STXBP2: variants seen among roughly 807,000 people sequenced by gnomAD.
STXBP2 encodes the protein syntaxin binding protein 2.
STXBP2 carries 47 observed loss-of-function variants against 72.2 expected under a neutral mutation model. The observed-to-expected ratio is 0.65, with a 90% CI of 0.51 to 0.83. STXBP2 has a LOEUF of 0.83. Among genes scored for constraint, STXBP2 ranks in the 40% least tolerant of loss-of-function variants. The probability of loss-of-function intolerance (pLI) is 0.00; values close to 1 mark genes in which losing one functional copy is unlikely to be tolerated. For missense variants in STXBP2, 702 were observed against 807.6 expected, an observed-to-expected ratio of 0.87 and a Z score of 1.58; for synonymous variants, 367 against 338.7, an observed-to-expected ratio of 1.08 and a Z score of -0.92.
chr19:7,642,978 C>A lies in STXBP2; in HGVS notation c.961-5C>A. 1 of 1,614,184 alleles carries A rather than the reference C, an allele frequency of 6.2e-7. No individual in the cohort carries two copies. The highest frequency in any genetic ancestry group is 8.5e-7 in the Non-Finnish European group (1 of 1,180,040). ...ATCCCTACCCTCTTCCCCCTACTTC[C>A]CCAGGCGAACATCAAAGACCTATCC... On this transcript the variant is annotated splice_polypyrimidine_tract_variant and splice_region_variant and intron_variant, in intron 11 of 18. Coordinates refer to ENST00000221283, the MANE Select transcript of STXBP2 (RefSeq NM_006949.4). This position sits in a 1 kb window ranked among gnomAD's most constrained non-coding sequence, Gnocchi z 6.0.
upstream of STXBP2, chr19:7,633,406 C>T: frequency 6.4e-7 from 1 of 1,567,666 alleles, no homozygotes; most frequent in Non-Finnish European, 8.7e-7. Flanking sequence ...GGCCCTCTCA[C>T]CTCGGCACAG....
At chr19:7,645,387 G>C in intron 15 of STXBP2, 81 bp downstream of exon 15, 4 of 1,316,170 alleles carry the variant, frequency 3.0e-6, no homozygotes, top group Non-Finnish European at 4.3e-6. Flanking sequence ...AGGGCCATTG[G>C]TGCACAGGCA....
upstream of STXBP2, among the ~76,000 whole-genome samples, chr19:7,636,069 C>T (rs964257768): frequency 2.6e-5 from 4 of 152,212 alleles, no homozygotes; most frequent in African/African-American, 9.7e-5. Flanking sequence ...CCTCCCACCC[C>T]TACCTTCTGT....
chr19:7,630,269 T>G, the STXBP2 span: 1 of 462,084 alleles, frequency 2.2e-6, no homozygotes, highest in Non-Finnish European at 3.9e-6. Flanking sequence ...GGATCTTAAG[T>G]GGGGATGGGT....
At chr19:7,641,484 G>A (rs1282344807) in intron 6 of STXBP2, among the ~76,000 whole-genome samples, 9 of 152,212 alleles carry the variant, frequency 5.9e-5, no homozygotes, top group South Asian at 2.1e-4. Context: ...AGAGCGCACC[G>A]CGGGGTTGTC....
At chr19:7,639,904 G>C in intron 4 of STXBP2, 97 bp downstream of exon 4, 1 of 1,319,696 alleles carries the variant, frequency 7.6e-7, no homozygotes, top group Non-Finnish European at 1.1e-6. Flanking sequence ...GTGTGCATGT[G>C]TATACGTGTG....
chr19:7,643,856 G>A lies in STXBP2; in HGVS notation c.1107+611G>A, dbSNP rs547410547. Among the ~76,000 whole-genome samples the A allele has an allele frequency of 3.7e-3, 550 of 147,818 alleles. 4 individuals are homozygous for A. Among genetic ancestry groups the A allele is most frequent in the African/African-American group, 0.013 (522 of 39,610 alleles). ...GAGGGGTGGAGCCTTAAGAGAGGTG[G>A]GACCTGGGAGAGGGGCGGAGCCTTG... On this transcript the variant is annotated intron_variant, in intron 13 of 18. Transcript: ENST00000221283.
Position 7,642,793 on chromosome 19 carries a change from C to T in STXBP2, c.930C>T (p.Phe310=). 1.2e-6 allele frequency: 2 copies of T among 1,614,090 alleles called. No individual in the cohort carries two copies. Among genetic ancestry groups the T allele is most frequent in the Non-Finnish European group, 1.7e-6 (2 of 1,180,016 alleles). The change falls in exon 11 of 19, where the codon TTC becomes TTT. Residue 310 remains phenylalanine (F), a synonymous_variant. Coordinates refer to ENST00000221283, the MANE Select transcript of STXBP2 (RefSeq NM_006949.4). The surrounding 1 kb of genome is among the most constrained non-coding windows in gnomAD (Gnocchi z 6.0). The part of the protein sequence containing the change: ...SKKVTELLRT[F]CESKRLTTDK... Reference sequence around the variant, plus strand: ...AGGTCACGGAGCTCCTGAGGACCTTCTGTGAGAGCAAGAGGCTGACCACGG... The same window carrying T: ...AGGTCACGGAGCTCCTGAGGACCTTTTGTGAGAGCAAGAGGCTGACCACGG...
intron 1 of STXBP2, among the ~76,000 whole-genome samples, chr19:7,637,539 A>C (rs558495116): frequency 6.6e-6 from 1 of 152,010 alleles, no homozygotes; most frequent in South Asian, 2.1e-4. Context: ...GGCAAAGTTC[A>C]GGGGCTGGAT....
At chr19:7,639,364 G>A (rs1488373959) in intron 3 of STXBP2, 7 of 600,194 alleles carry the variant, frequency 1.2e-5, no homozygotes, top group African/African-American at 5.5e-5. Context: ...CAGCTCCCTC[G>A]TGGAGCCCTG....
At chr19:7,631,759 G>T in the STXBP2 span, 1 of 1,429,952 alleles carries the variant, frequency 7.0e-7, no homozygotes, top group Non-Finnish European at 9.2e-7. Context: ...GTCCTGAGGG[G>T]TGAGCAGGGG....
chr19:7,629,900 G>A, the STXBP2 span: 4 of 1,490,448 alleles, frequency 2.7e-6, no homozygotes, highest in Non-Finnish European at 3.6e-6. Context: ...CTGGGCAGGG[G>A]ATCTTCCTGG....
chr19:7,633,328 G>T, upstream of STXBP2: 1 of 1,341,256 alleles, frequency 7.5e-7, no homozygotes, highest in Non-Finnish European at 1.0e-6. Context: ...CGTTAATTAG[G>T]TGCCCTACAA....
intron 15 of STXBP2, chr19:7,645,530 T>A (rs2032099300): frequency 1.8e-6 from 1 of 559,768 alleles, no homozygotes; most frequent in Non-Finnish European, 3.2e-6. Flanking sequence ...TGAGACATGG[T>A]CGCTGCCAGG....
Position 7,644,770 on chromosome 19 carries a change from G to A in STXBP2, c.1246+18G>A, listed in dbSNP as rs1289146267. 2 of 1,613,358 alleles carry A rather than the reference G, an allele frequency of 1.2e-6. No individual in the cohort carries two copies. Among genetic ancestry groups the A allele is most frequent in the East Asian group, 2.2e-5 (1 of 44,888 alleles). On this transcript the variant is annotated intron_variant, in intron 14 of 18. Coordinates refer to ENST00000221283, the MANE Select transcript of STXBP2 (RefSeq NM_006949.4). The stretch of plus-strand genomic sequence containing the variant: ...TCGGAATGGTGGGTGGGGGCTGCAG[G>A]GAGTTGGAACGTCCCCATTTGCCAG...
At chr19:7,631,716 G>T in the STXBP2 span, 1 of 1,450,632 alleles carries the variant, frequency 6.9e-7, no homozygotes. Flanking sequence ...GGGGCTGGGG[G>T]CTGCTGTTCC....
chr19:7,643,584 G>A (rs540216918), intron 13 of STXBP2, among the ~76,000 whole-genome samples: 4 of 151,834 alleles, frequency 2.6e-5, no homozygotes, highest in African/African-American at 4.8e-5. Context: ...GGAGAGGTGC[G>A]ACCTGGGAGA....
intron 14 of STXBP2, 172 bp downstream of exon 14, chr19:7,644,924 C>T (rs1166576902): frequency 6.8e-7 from 1 of 1,466,612 alleles, no homozygotes. Flanking sequence ...CTTGGGGATT[C>T]CTCCACTGAG....
In STXBP2 at chr19:7,644,594, G is replaced by A. The variant is rs776864876; in HGVS notation, c.1108-20G>A. ...CCCTGACACATAGCGGCCGGTGGAC[G>A]GCTGACCCCATGCCCGCAGGACCTG... On this transcript the variant is annotated intron_variant, in intron 13 of 18. Coordinates refer to ENST00000221283, the MANE Select transcript of STXBP2 (RefSeq NM_006949.4). 1.2e-5 allele frequency: 20 copies of A among 1,610,286 alleles called. No homozygotes were observed. Among genetic ancestry groups the A allele is most frequent in the Non-Finnish European group, 1.6e-5 (19 of 1,179,698 alleles).
Sources: gnomAD v4.1 joint callset for allele counts (sites outside exome capture counted in the v4.1 genomes callset) on GRCh38, gnomAD v4.1.1 for gene constraint, Gnocchi (gnomAD v3.1) non-coding constraint, MANE v1.5 for transcripts, NCBI Gene and HGNC (gene_info 2026-07-23, HGNC 2026-07-21) for gene names.